The following FAM114A1 variants were observed in gnomAD, a reference collection of about 807,000 sequenced individuals.
The protein encoded by FAM114A1 is protein NOXP20.
In FAM114A1, 62 loss-of-function variants were observed where a neutral mutation model predicts 64.3. That is an observed-to-expected ratio of 0.96 (90% confidence interval 0.79 to 1.19). The LOEUF is 1.19. FAM114A1 is among the 50% of genes most tolerant of loss of function. The pLI, the probability that FAM114A1 is intolerant of heterozygous loss-of-function variation, is 0.00. For synonymous variants in FAM114A1, 254 were observed against 251.1 expected (o/e 1.01, Z -0.11); for missense variants, 645 against 676.3 (o/e 0.95, Z 0.51).
At position 38,932,857 on chromosome 4, in the gene FAM114A1, AT is replaced by A. The variant is rs34761547; in HGVS notation, c.1463+498del. Among the ~76,000 whole-genome samples the A allele has an allele frequency of 6.9e-3, 980 of 142,698 alleles. 5 individuals carry two copies. Among genetic ancestry groups the A allele is most frequent in the African/African-American group, 0.012 (455 of 38,436 alleles). 93.6% of individuals were successfully genotyped at this position (142,698 alleles called of 152,430 possible). A position where few individuals can be genotyped will look rare whatever the true frequency, so the allele number is the denominator to read the frequency against. On this transcript the variant is annotated intron_variant, in intron 12 of 14. Coordinates refer to ENST00000358869, the MANE Select transcript of FAM114A1 (RefSeq NM_138389.4). ...TCTACGGTCATCTTAAGAAATAAGG[AT>A]TTTTTTTTTTTTTTGAGACAGAGTC...
intron 3 of FAM114A1, among the ~76,000 whole-genome samples, chr4:38,889,421 C>T (rs890540015): frequency 2.0e-5 from 3 of 152,122 alleles, no homozygotes; most frequent in Admixed American, 1.3e-4. Context: ...AGCTAACTTT[C>T]AAAGCTTTTT....
At chr4:38,900,820 A>G (rs887198875) in intron 4 of FAM114A1, among the ~76,000 whole-genome samples, 1 of 152,176 alleles carries the variant, frequency 6.6e-6, no homozygotes, top group Non-Finnish European at 1.5e-5. Context: ...TATTTTATAC[A>G]AGGGAAAAAG....
intron 4 of FAM114A1, among the ~76,000 whole-genome samples, chr4:38,897,172 G>C (rs2109632988): frequency 6.6e-6 from 1 of 152,304 alleles, no homozygotes; most frequent in East Asian, 1.9e-4. Context: ...GCTAACTTGT[G>C]ATCACAAGGC....
At chr4:38,880,797 A>C (rs1055942785) in intron 3 of FAM114A1, among the ~76,000 whole-genome samples, 7 of 152,246 alleles carry the variant, frequency 4.6e-5, no homozygotes, top group Non-Finnish European at 8.8e-5. Flanking sequence ...GACTTAAACT[A>C]TACAAGCTCT....
At position 38,896,258 on chromosome 4, in the gene FAM114A1, C is replaced by A. The variant is rs571645404; in HGVS notation, c.436+4428C>A. 2.6e-5 allele frequency among the ~76,000 whole-genome samples: 4 copies of A among 152,218 alleles called. No homozygotes were observed. The South Asian group carries it at 8.3e-4, about 32-fold the overall frequency. Reference sequence around the variant, plus strand: ...TTCATCACCACTGATCATCACTACCCACCTCCTCCCCCCAAAATGAATGCA... The same window carrying A: ...TTCATCACCACTGATCATCACTACCAACCTCCTCCCCCCAAAATGAATGCA... On this transcript the variant is annotated intron_variant, in intron 4 of 14. Coordinates refer to ENST00000358869, the MANE Select transcript of FAM114A1 (RefSeq NM_138389.4).
chr4:38,903,749 A>T (rs897880261), intron 4 of FAM114A1, among the ~76,000 whole-genome samples: 48 of 152,204 alleles, frequency 3.2e-4, no homozygotes, highest in African/African-American at 1.1e-3. Flanking sequence ...TTTTTCAAGT[A>T]ACTCAGTAAT....
At chr4:38,895,046 A>G (rs773085942) in intron 4 of FAM114A1, among the ~76,000 whole-genome samples, 1 of 152,132 alleles carries the variant, frequency 6.6e-6, no homozygotes, top group Non-Finnish European at 1.5e-5. Flanking sequence ...GCCTCTCTCA[A>G]TCCCAAGATA....
intron 6 of FAM114A1, among the ~76,000 whole-genome samples, chr4:38,908,177 A>G (rs950883337): frequency 3.3e-5 from 5 of 152,120 alleles, no homozygotes; most frequent in African/African-American, 7.2e-5. Flanking sequence ...GCTCCAAGCA[A>G]CTCTGTTACT....
intron 3 of FAM114A1, among the ~76,000 whole-genome samples, chr4:38,880,173 T>A (rs563840703): frequency 2.1e-5 from 3 of 141,208 alleles, no homozygotes; most frequent in Non-Finnish European, 4.7e-5. Flanking sequence ...TAGAATAGAA[T>A]AGAAAATATT....
intron 4 of FAM114A1, among the ~76,000 whole-genome samples, chr4:38,897,860 C>T (rs1301816507): frequency 6.6e-6 from 1 of 151,252 alleles, no homozygotes; most frequent in African/African-American, 2.4e-5. Context: ...ACAGAAGAAT[C>T]GCTTGAGCCT....
At chr4:38,871,822 T>G (rs2109516201) in intron 2 of FAM114A1, among the ~76,000 whole-genome samples, 1 of 152,370 alleles carries the variant, frequency 6.6e-6, no homozygotes, top group Non-Finnish European at 1.5e-5. Flanking sequence ...TTAACCAGTC[T>G]GTTCTTATAA....
At chr4:38,938,428 A>G (rs575352431) in intron 13 of FAM114A1, 6 of 152,310 alleles carry the variant, frequency 3.9e-5, no homozygotes, top group Admixed American at 1.3e-4. Context: ...TGCTTCTCCT[A>G]TTTTGTAAAA....
At chr4:38,927,789 T>A (rs1720261643) in intron 9 of FAM114A1, among the ~76,000 whole-genome samples, 1 of 152,212 alleles carries the variant, frequency 6.6e-6, no homozygotes, top group African/African-American at 2.4e-5. Context: ...GTTCAAGTGA[T>A]TCTCCTGCCT....
At chr4:38,940,259 T>C (rs1248149597) in intron 13 of FAM114A1, among the ~76,000 whole-genome samples, 1 of 152,172 alleles carries the variant, frequency 6.6e-6, no homozygotes, top group Non-Finnish European at 1.5e-5. Flanking sequence ...ATATTTGCAT[T>C]TTTCAAATGT....
intron 4 of FAM114A1, among the ~76,000 whole-genome samples, chr4:38,905,272 A>G (rs1717876003): frequency 6.6e-6 from 1 of 152,198 alleles, no homozygotes; most frequent in African/African-American, 2.4e-5. Context: ...GGTGGTGTGC[A>G]TCTGTAATCC....
intron 4 of FAM114A1, among the ~76,000 whole-genome samples, chr4:38,892,517 G>A (rs1207065800): frequency 6.6e-6 from 1 of 152,106 alleles, no homozygotes; most frequent in Non-Finnish European, 1.5e-5. Flanking sequence ...AAAATATGAT[G>A]GACAGTGTAG....
At chr4:38,903,250 A>G (rs954780843) in intron 4 of FAM114A1, among the ~76,000 whole-genome samples, 13 of 152,198 alleles carry the variant, frequency 8.5e-5, no homozygotes, top group Non-Finnish European at 1.9e-4. Flanking sequence ...GTGTATACAT[A>G]TCTGTGATCG....
intron 13 of FAM114A1, among the ~76,000 whole-genome samples, chr4:38,937,998 A>C (rs914078808): frequency 6.6e-6 from 1 of 152,072 alleles, no homozygotes; most frequent in African/African-American, 2.4e-5. Flanking sequence ...CGGCCTCCCA[A>C]AATGCTGGGA....
chr4:38,905,324 G>C (rs549798062), intron 4 of FAM114A1, among the ~76,000 whole-genome samples, 198 bp from the exon 5 acceptor site: 1 of 151,966 alleles, frequency 6.6e-6, no homozygotes, highest in Admixed American at 6.6e-5. Flanking sequence ...ACTTGAACTC[G>C]GGAGGCGGAG....
Sources: allele counts gnomAD v4.1 joint callset (sites outside exome capture counted in the v4.1 genomes callset), GRCh38; gene constraint gnomAD v4.1.1; transcripts MANE v1.5; gene names NCBI Gene and HGNC (gene_info 2026-07-23, HGNC 2026-07-21).